PTPRN2: variants seen among roughly 807,000 people sequenced by gnomAD.
The protein encoded by PTPRN2 is receptor-type tyrosine-protein phosphatase N2.
Under a neutral mutation model 118.8 loss-of-function variants are expected in PTPRN2, and 74 were observed. The observed-to-expected ratio is 0.62, with a 90% CI of 0.52 to 0.76. PTPRN2 has a LOEUF of 0.76. Among genes scored for constraint, PTPRN2 ranks in the 30% least tolerant of loss-of-function variants. The pLI is 0.00. For synonymous variants in PTPRN2, 641 were observed against 608.0 expected (o/e 1.05, Z -0.80); for missense variants, 1,481 against 1,394.4 (o/e 1.06, Z -0.99).
At chr7:157,575,208 T>C (rs1799968639) in intron 19 of PTPRN2, among the ~76,000 whole-genome samples, 1 of 152,256 alleles carries the variant, frequency 6.6e-6, no homozygotes, top group Admixed American at 6.5e-5. Flanking sequence ...GCCGTCTTTG[T>C]AGTTACATCC....
At chr7:158,164,305 G>A in intron 6 of PTPRN2, among the ~76,000 whole-genome samples, 1 of 151,526 alleles carries the variant, frequency 6.6e-6, no homozygotes, top group African/African-American at 2.4e-5. Flanking sequence ...GGCACGCAGA[G>A]CAGGAGCGCG....
At chr7:158,070,559 G>C (rs1206490599) in intron 11 of PTPRN2, among the ~76,000 whole-genome samples, 28 of 116,144 alleles carry the variant, frequency 2.4e-4, no homozygotes, top group South Asian at 9.6e-4. Context: ...GGTGCCCATG[G>C]TGGTGGTGGA....
intron 3 of PTPRN2, among the ~76,000 whole-genome samples, chr7:158,285,797 G>T (rs1345736482): frequency 6.6e-6 from 1 of 152,224 alleles, no homozygotes; most frequent in Non-Finnish European, 1.5e-5. Flanking sequence ...TTGGGTTAGG[G>T]AGACAGGTGA....
chr7:157,980,361 G>T (rs1262213525), intron 11 of PTPRN2, among the ~76,000 whole-genome samples: 1 of 152,208 alleles, frequency 6.6e-6, no homozygotes, highest in Non-Finnish European at 1.5e-5. Context: ...TAGAAATTCA[G>T]TCAAGTGTTT....
chr7:158,145,399 G>C (rs1312874642), intron 6 of PTPRN2, among the ~76,000 whole-genome samples: 3 of 152,234 alleles, frequency 2.0e-5, no homozygotes, highest in African/African-American at 4.8e-5. Flanking sequence ...GCAGTGCCCG[G>C]TACAGCGTGG....
At position 157,585,003 on chromosome 7, in the gene PTPRN2, G is replaced by C. The variant is rs1034962312; in HGVS notation, c.2497-6863C>G. Among the ~76,000 whole-genome samples the C allele has an allele frequency of 6.6e-6, 1 of 152,100 alleles. No individual in the cohort carries two copies. The highest frequency in any genetic ancestry group is 1.5e-5 in the Non-Finnish European group (1 of 68,018). ...CCCAACGCAGGGTGACAAAACCTTCGTGATGCCGTCCATGACCAGCTCATG... is the reference window on the plus strand; with the variant it reads ...CCCAACGCAGGGTGACAAAACCTTCCTGATGCCGTCCATGACCAGCTCATG... On this transcript the variant is annotated intron_variant, in intron 17 of 22. Transcript: ENST00000389418. The surrounding 1 kb of genome is among the most constrained non-coding windows in gnomAD (Gnocchi z 5.2).
Position 157,576,598 on chromosome 7 carries a change from G to A in PTPRN2, c.2783+15C>T. 6.3e-7 allele frequency: 1 copy of A among 1,598,796 alleles called. No individual in the cohort carries two copies. The highest frequency in any genetic ancestry group is 1.1e-5 in the South Asian group (1 of 89,210). ...CTCAGCGCGCACTGCCCTGCCGGCG[G>A]GCCGCGCGTCATACCTGCGGAAGTC... On this transcript the variant is annotated intron_variant, in intron 19 of 22. Coordinates refer to ENST00000389418, the MANE Select transcript of PTPRN2 (RefSeq NM_002847.5).
chr7:157,584,837 T>C (rs541059580), intron 17 of PTPRN2, among the ~76,000 whole-genome samples: 2 of 152,298 alleles, frequency 1.3e-5, no homozygotes, highest in African/African-American at 2.4e-5. Flanking sequence ...GTGACATCTT[T>C]TGCAGGGGAA....
chr7:158,268,323 C>T (rs1798023423), intron 3 of PTPRN2, among the ~76,000 whole-genome samples: 1 of 149,838 alleles, frequency 6.7e-6, no homozygotes. Context: ...ATCCCAGCCG[C>T]ACGCACACAG....
chr7:157,640,646 A>T (rs1470480498), intron 14 of PTPRN2, among the ~76,000 whole-genome samples: 2 of 152,212 alleles, frequency 1.3e-5, no homozygotes, highest in Non-Finnish European at 2.9e-5. Context: ...GGAGCGGCCC[A>T]CAAAGGAACC....
At chr7:157,643,858 C>T (rs1051438752) in intron 14 of PTPRN2, among the ~76,000 whole-genome samples, 5 of 152,332 alleles carry the variant, frequency 3.3e-5, no homozygotes, top group East Asian at 1.9e-4. Flanking sequence ...AGCAGATAGA[C>T]GGCAGTCCGG....
At chr7:158,333,460 CCA>C (rs1465169771) in intron 2 of PTPRN2, among the ~76,000 whole-genome samples, 1 of 147,138 alleles carries the variant, frequency 6.8e-6, no homozygotes, top group East Asian at 1.9e-4. Flanking sequence ...TCTCTCACAC[CCA>C]CACTCTCTCC....
chr7:157,973,605 T>C (rs1050606402), intron 11 of PTPRN2, among the ~76,000 whole-genome samples: 1 of 152,120 alleles, frequency 6.6e-6, no homozygotes, highest in Non-Finnish European at 1.5e-5. Context: ...GTAAAGAATA[T>C]CCTTCTGCAC....
intron 2 of PTPRN2, among the ~76,000 whole-genome samples, chr7:158,390,194 T>A (rs1483926956): frequency 6.6e-6 from 1 of 151,480 alleles, no homozygotes; most frequent in Non-Finnish European, 1.5e-5. Context: ...AGAGGCGCCG[T>A]CGCCCTGGGC....
At chr7:157,954,397 G>A (rs1303448078) in intron 11 of PTPRN2, among the ~76,000 whole-genome samples, 6 of 150,514 alleles carry the variant, frequency 4.0e-5, no homozygotes, top group Non-Finnish European at 7.4e-5. Context: ...TGTGGGTGGT[G>A]CCTGTGTACT....
At chr7:158,468,632 G>C (rs1195493774) in intron 2 of PTPRN2, among the ~76,000 whole-genome samples, 2 of 152,220 alleles carry the variant, frequency 1.3e-5, no homozygotes, top group Non-Finnish European at 2.9e-5. Context: ...AACGTGCACA[G>C]AGCTGTGGCT....
At chr7:158,273,460 G>GCGGGGGAGCCGCAGGCA (rs1798660366) in intron 3 of PTPRN2, among the ~76,000 whole-genome samples, 1 of 62,352 alleles carries the variant, frequency 1.6e-5, no homozygotes, top group Non-Finnish European at 3.1e-5. Flanking sequence ...AGCCGCAGAC[G>GCGGGGGAGCCGCAGGCA]CAGGGGGAGC....
At chr7:157,664,329 C>T (rs1363355154) in intron 13 of PTPRN2, among the ~76,000 whole-genome samples, 1 of 152,250 alleles carries the variant, frequency 6.6e-6, no homozygotes, top group African/African-American at 2.4e-5. Context: ...CAGACGAGAG[C>T]AGCCGCTGCC....
chr7:157,672,632 C>T (rs1006278842), intron 13 of PTPRN2, among the ~76,000 whole-genome samples: 6 of 152,184 alleles, frequency 3.9e-5, no homozygotes, highest in African/African-American at 9.7e-5. Context: ...AGCGACGAAA[C>T]GCCTACCCAG....
Sources: gnomAD v4.1 joint callset for allele counts (sites outside exome capture counted in the v4.1 genomes callset) on GRCh38, gnomAD v4.1.1 for gene constraint, Gnocchi (gnomAD v3.1) non-coding constraint, MANE v1.5 for transcripts, NCBI Gene and HGNC (gene_info 2026-07-23, HGNC 2026-07-21) for gene names.